Variants in PKHD1 observed in about 807,000 individuals in gnomAD.
The protein encoded by PKHD1 is PKHD1 ciliary IPT domain containing fibrocystin/polyductin, also known as fibrocystin.
Under a neutral mutation model 412.0 loss-of-function variants are expected in PKHD1, and 291 were observed. The ratio of observed to expected loss-of-function variants is 0.71; its 90% CI spans 0.64 to 0.78. The LOEUF is 0.78. Among genes scored for constraint, PKHD1 ranks in the 30% least tolerant of loss-of-function variants. PKHD1 has a pLI of 0.00. For missense variants in PKHD1, 4,825 were observed against 4,950.7 expected, an observed-to-expected ratio of 0.97 and a Z score of 0.76; for synonymous variants, 1,777 against 1,821.5, an observed-to-expected ratio of 0.98 and a Z score of 0.62.
intron 35 of PKHD1, among the ~76,000 whole-genome samples, chr6:51,986,844 A>T (rs1221298208): frequency 3.3e-5 from 5 of 152,194 alleles, no homozygotes; most frequent in African/African-American, 7.2e-5. Flanking sequence ...CCAGAAATGA[A>T]ATTTGGAAAT....
chr6:51,900,252 C>A (rs1027875708), intron 43 of PKHD1, among the ~76,000 whole-genome samples: 153 of 152,202 alleles, frequency 1.0e-3, no homozygotes, highest in Middle Eastern at 3.4e-3. Context: ...GAGGCATCAC[C>A]CTACCTGACT....
Position 52,045,774 on chromosome 6 carries a change from C to T in PKHD1, c.2592+230G>A, listed in dbSNP as rs567755833. 5.3e-5 allele frequency among the ~76,000 whole-genome samples: 8 copies of T among 152,292 alleles called. No homozygotes were observed. In the South Asian group the frequency reaches 1.7e-3, roughly 32 times the overall value. ...CACTGACCAATAACTTCACTACCTA[C>T]ACTGAGTTAGGAAGGGAGATGTTGG... On this transcript the variant is annotated intron_variant, in intron 24 of 66. Coordinates refer to ENST00000371117, the MANE Select transcript of PKHD1 (RefSeq NM_138694.4).
chr6:51,886,996 A>G, intron 44 of PKHD1, 137 bp downstream of exon 44: 1 of 706,014 alleles, frequency 1.4e-6, no homozygotes, highest in South Asian at 1.5e-5. Context: ...TATACCTCAA[A>G]AAAGCAGTTT....
At chr6:51,709,075 C>T (rs2150748517) in intron 60 of PKHD1, among the ~76,000 whole-genome samples, 1 of 152,302 alleles carries the variant, frequency 6.6e-6, no homozygotes, top group Non-Finnish European at 1.5e-5. Context: ...GGTCCCCCTA[C>T]TACGTGCTCC....
At chr6:51,687,379 T>C (rs1324308935) in intron 60 of PKHD1, among the ~76,000 whole-genome samples, 3 of 152,232 alleles carry the variant, frequency 2.0e-5, no homozygotes, top group Non-Finnish European at 2.9e-5. Flanking sequence ...GATCCTTTTC[T>C]GTATCAGCTA....
chr6:51,883,994 C>A (rs1270934982), intron 45 of PKHD1, among the ~76,000 whole-genome samples: 2 of 152,158 alleles, frequency 1.3e-5, no homozygotes, highest in Admixed American at 1.3e-4. Flanking sequence ...GACTTCCAAG[C>A]CTCCAGAATC....
At chr6:52,076,164 C>T in intron 6 of PKHD1, 112 bp downstream of exon 6, 1 of 756,960 alleles carries the variant, frequency 1.3e-6, no homozygotes, top group Non-Finnish European at 2.4e-6. Flanking sequence ...TTCAAAACAG[C>T]ATCAAAGAAG....
At chr6:51,695,982 C>A (rs1287932750) in intron 60 of PKHD1, among the ~76,000 whole-genome samples, 1 of 152,166 alleles carries the variant, frequency 6.6e-6, no homozygotes, top group East Asian at 1.9e-4. Flanking sequence ...TGAAAAATAA[C>A]CTGTTCCACA....
intron 61 of PKHD1, 40 bp downstream of exon 61, chr6:51,658,912 A>C (rs1309526234): frequency 7.3e-7 from 1 of 1,367,828 alleles, no homozygotes; most frequent in African/African-American, 1.4e-5. Context: ...GGACCTAAAA[A>C]ATCAGCCCTC....
chr6:51,990,429 A>G (rs1796918204), intron 35 of PKHD1, among the ~76,000 whole-genome samples: 1 of 152,042 alleles, frequency 6.6e-6, no homozygotes, highest in Non-Finnish European at 1.5e-5. Flanking sequence ...TCTTTGTTTT[A>G]TTCTGGTGGA....
At chr6:51,827,526 T>C (rs1767514264) in intron 52 of PKHD1, among the ~76,000 whole-genome samples, 1 of 152,088 alleles carries the variant, frequency 6.6e-6, no homozygotes, top group South Asian at 2.1e-4. Context: ...TCATCCTATA[T>C]CCTGAAGGAT....
Position 52,025,136 on chromosome 6 carries a change from C to A in PKHD1, c.4674G>T (p.Gly1558=). The change falls in exon 32 of 67, where the codon GGG becomes GGT. Residue 1558 remains glycine (G), a synonymous_variant. Coordinates refer to ENST00000371117, the MANE Select transcript of PKHD1 (RefSeq NM_138694.4). The part of the protein sequence containing the change: ...HYLSVFYTRN[G]YACSGNVSRH... ...TGGAAACATTACCAGAACAAGCATA[C>A]CCATTTCTTGTATAAAAAACTGACA... 1 of 1,614,002 alleles carries A rather than the reference C, an allele frequency of 6.2e-7. No individual in the cohort carries two copies. Among genetic ancestry groups the A allele is most frequent in the Non-Finnish European group, 8.5e-7 (1 of 1,179,880 alleles).
chr6:52,072,278 T>C, intron 7 of PKHD1, 89 bp from the exon 8 acceptor site: 4 of 847,780 alleles, frequency 4.7e-6, no homozygotes, highest in Middle Eastern at 4.7e-4. Flanking sequence ...AGAGGAAACA[T>C]GGCTATGAAC....
chr6:51,681,580 T>C (rs1057144123), intron 60 of PKHD1, among the ~76,000 whole-genome samples: 1 of 152,050 alleles, frequency 6.6e-6, no homozygotes, highest in African/African-American at 2.4e-5. Context: ...TGTGAATACA[T>C]ATAAGCCTAG....
intron 53 of PKHD1, among the ~76,000 whole-genome samples, chr6:51,777,748 A>G (rs976561524): frequency 1.3e-5 from 2 of 151,324 alleles, no homozygotes; most frequent in African/African-American, 2.4e-5. Context: ...AGAGAGAAAA[A>G]AGTAGGACAG....
At chr6:51,628,051 G>T (rs56319745) in intron 65 of PKHD1, among the ~76,000 whole-genome samples, 1 of 152,084 alleles carries the variant, frequency 6.6e-6, no homozygotes, top group African/African-American at 2.4e-5. Flanking sequence ...ATAGTTATGG[G>T]TAGGAAATAG....
At chr6:51,680,757 A>G (rs1776540873) in intron 60 of PKHD1, among the ~76,000 whole-genome samples, 1 of 152,068 alleles carries the variant, frequency 6.6e-6, no homozygotes, top group Non-Finnish European at 1.5e-5. Context: ...ACATTTCTCC[A>G]TATTTAAACT....
intron 35 of PKHD1, among the ~76,000 whole-genome samples, chr6:52,001,542 G>T (rs1229460098): frequency 6.6e-6 from 1 of 151,194 alleles, no homozygotes; most frequent in Non-Finnish European, 1.5e-5. Flanking sequence ...TCATTCTCCT[G>T]CCTCAGCCTC....
chr6:52,056,396 A>G (rs1367814049), intron 18 of PKHD1, among the ~76,000 whole-genome samples: 2 of 152,034 alleles, frequency 1.3e-5, no homozygotes, highest in Non-Finnish European at 2.9e-5. Flanking sequence ...CTATGTTTGC[A>G]TGTTTCTCAC....
Sources: allele counts gnomAD v4.1 joint callset (sites outside exome capture counted in the v4.1 genomes callset), GRCh38; gene constraint gnomAD v4.1.1; transcripts MANE v1.5; gene names NCBI Gene and HGNC (gene_info 2026-07-23, HGNC 2026-07-21).